The following CUL4A variants were observed in gnomAD, a reference collection of about 807,000 sequenced individuals.
The protein encoded by CUL4A is cullin-4A.
Under a neutral mutation model 95.5 loss-of-function variants are expected in CUL4A, and 16 were observed. That is an observed-to-expected ratio of 0.17 (90% CI 0.11 to 0.25). CUL4A has a LOEUF of 0.25. Among genes scored for constraint, CUL4A ranks in the 10% least tolerant of loss-of-function variants. The probability of loss-of-function intolerance (pLI) is 1.00; values close to 1 mark genes in which losing one functional copy is unlikely to be tolerated. For synonymous variants in CUL4A, 380 were observed against 353.1 expected (o/e 1.08, Z -0.85); for missense variants, 610 against 937.0 (o/e 0.65, Z 4.56).
upstream of CUL4A, chr13:113,208,960 G>C (rs1053648430): frequency 3.4e-6 from 4 of 1,168,022 alleles, no homozygotes; most frequent in Non-Finnish European, 4.2e-6. Context: ...CTGACCCTTC[G>C]TCTGCCCCTT....
intron 10 of CUL4A, among the ~76,000 whole-genome samples, chr13:113,241,657 G>C (rs903863909): frequency 1.3e-4 from 20 of 151,876 alleles, no homozygotes; most frequent in African/African-American, 4.1e-4. Flanking sequence ...GGGATTACAG[G>C]CTCCCGCCAC....
chr13:113,263,398 T>TATA, intron 19 of CUL4A, 89 bp from the exon 20 acceptor site: 1 of 528,700 alleles, frequency 1.9e-6, no homozygotes, highest in South Asian at 4.0e-5. Context: ...ATAAGTATAG[T>TATA]TACATACTTC....
At chr13:113,215,165 TATGGAGGTCTCTCTCGTCC>T (rs2040604077) in intron 2 of CUL4A, among the ~76,000 whole-genome samples, 1 of 146,350 alleles carries the variant, frequency 6.8e-6, no homozygotes, top group Non-Finnish European at 1.5e-5. Context: ...GCTGTGTGAC[TATGGAGGTCTCTCTCGTCC>T]GTGTGGCTAT....
chr13:113,214,141 G>T (rs953542409), intron 2 of CUL4A, among the ~76,000 whole-genome samples: 4 of 152,162 alleles, frequency 2.6e-5, no homozygotes, highest in Non-Finnish European at 2.9e-5. Flanking sequence ...TTTGGTTTTT[G>T]GTTTTGCTCA....
At chr13:113,242,438 CGTT>C (rs1451514465) in intron 10 of CUL4A, among the ~76,000 whole-genome samples, 9 of 152,122 alleles carry the variant, frequency 5.9e-5, no homozygotes, top group Non-Finnish European at 1.0e-4. Context: ...ATTTTCCAGT[CGTT>C]TGTAAGTTCT....
upstream of CUL4A, chr13:113,208,968 C>T (rs919835260): frequency 9.1e-7 from 1 of 1,101,612 alleles, no homozygotes; most frequent in Non-Finnish European, 1.1e-6. Flanking sequence ...TCGTCTGCCC[C>T]TTGTGAAAAC....
chr13:113,248,466 A>C (rs1875908891), intron 15 of CUL4A, among the ~76,000 whole-genome samples: 2 of 152,130 alleles, frequency 1.3e-5, no homozygotes, highest in Admixed American at 1.3e-4. Flanking sequence ...TGATATGCCT[A>C]CATCATTTTT....
chr13:113,212,295 G>A (rs1567009226), intron 2 of CUL4A, among the ~76,000 whole-genome samples: 1 of 152,088 alleles, frequency 6.6e-6, no homozygotes, highest in East Asian at 1.9e-4. Flanking sequence ...AAGAGTAATT[G>A]TTTTAAGTTT....
intron 15 of CUL4A, among the ~76,000 whole-genome samples, chr13:113,248,006 A>T (rs549776070): frequency 1.3e-5 from 2 of 152,218 alleles, no homozygotes; most frequent in East Asian, 1.9e-4. Flanking sequence ...CCGTGTCCCC[A>T]TCAGGATCCT....
intron 18 of CUL4A, among the ~76,000 whole-genome samples, chr13:113,259,600 G>T (rs1457469911): frequency 1.3e-5 from 2 of 152,124 alleles, no homozygotes; most frequent in African/African-American, 2.4e-5. Flanking sequence ...TATCAAGATG[G>T]TCATGTAATC....
Position 113,245,215 on chromosome 13 carries a change from A to G in CUL4A, c.1508A>G (p.Asp503Gly). ...TTCAAGGACATGGAGCTTTCGAAGG[A>G]CATCATGGTTCATTTCAAGCAGGTG... The part of the protein sequence containing the change: ...GMFKDMELSK[D>G]IMVHFKQHMQ... Residue 503 changes from aspartate to glycine, a missense_variant, in exon 14 of 20, where the codon GAC (aspartate) becomes GGC (glycine). Transcript: ENST00000375440. The G allele has an allele frequency of 6.2e-7, 1 of 1,614,118 alleles. No individual in the cohort carries two copies. The highest frequency in any genetic ancestry group is 8.5e-7 in the Non-Finnish European group (1 of 1,180,006).
intron 18 of CUL4A, among the ~76,000 whole-genome samples, chr13:113,256,280 G>A (rs753053902): frequency 4.6e-5 from 7 of 152,104 alleles, no homozygotes; most frequent in Non-Finnish European, 8.8e-5. Flanking sequence ...GCACAGTGCC[G>A]GTTGTGTAGA....
intron 8 of CUL4A, among the ~76,000 whole-genome samples, chr13:113,236,432 T>C (rs1245777265): frequency 6.6e-6 from 1 of 152,200 alleles, no homozygotes; most frequent in African/African-American, 2.4e-5. Context: ...CCTGAGCCCT[T>C]TCTGCCTGTG....
At chr13:113,226,897 G>A (rs1484861859) in intron 3 of CUL4A, among the ~76,000 whole-genome samples, 5 of 151,970 alleles carry the variant, frequency 3.3e-5, no homozygotes, top group Non-Finnish European at 7.3e-5. Flanking sequence ...TACCAGGCCA[G>A]TCACCATCTC....
chr13:113,225,357 G>A (rs1234717088), intron 3 of CUL4A, among the ~76,000 whole-genome samples: 1 of 152,170 alleles, frequency 6.6e-6, no homozygotes, highest in East Asian at 1.9e-4. Flanking sequence ...AGCTTACTTA[G>A]TAAATGCCAC....
At chr13:113,225,809 T>C (rs1400122902) in intron 3 of CUL4A, among the ~76,000 whole-genome samples, 1 of 152,236 alleles carries the variant, frequency 6.6e-6, no homozygotes, top group Non-Finnish European at 1.5e-5. Flanking sequence ...TTGTCCAGAC[T>C]GTTTCTGTAG....
At chr13:113,235,365 CT>C (rs2041504840) in intron 8 of CUL4A, among the ~76,000 whole-genome samples, 1 of 152,184 alleles carries the variant, frequency 6.6e-6, no homozygotes, top group South Asian at 2.1e-4. Context: ...GAGAGTAAAT[CT>C]TGCTGAGATA....
intron 5 of CUL4A, among the ~76,000 whole-genome samples, chr13:113,231,027 C>T (rs1377925568): frequency 1.3e-5 from 2 of 152,132 alleles, no homozygotes; most frequent in Non-Finnish European, 2.9e-5. Flanking sequence ...CCCACCTCAG[C>T]CTCCCAAAGT....
At chr13:113,236,094 A>G (rs1200623333) in intron 8 of CUL4A, among the ~76,000 whole-genome samples, 2 of 152,214 alleles carry the variant, frequency 1.3e-5, no homozygotes, top group East Asian at 3.8e-4. Flanking sequence ...AGGAGAGATG[A>G]AAATGATATG....
Sources: gnomAD v4.1 joint callset for allele counts (sites outside exome capture counted in the v4.1 genomes callset) on GRCh38, gnomAD v4.1.1 for gene constraint, MANE v1.5 for transcripts, NCBI Gene and HGNC (gene_info 2026-07-23, HGNC 2026-07-21) for gene names.